The following FANCA variants were observed in gnomAD, a reference collection of about 807,000 sequenced individuals.
FANCA encodes FA complementation group A, also known as Fanconi anemia group A protein.
FANCA carries 236 observed loss-of-function variants against 194.3 expected under a neutral mutation model. The ratio of observed to expected loss-of-function variants is 1.21; its 90% CI spans 1.09 to 1.35. The LOEUF is 1.35. Among genes scored for constraint, FANCA ranks in the 40% most tolerant of loss-of-function variants. The pLI, the probability that FANCA is intolerant of heterozygous loss-of-function variation, is 0.00. For missense variants in FANCA, 2,628 were observed against 1,813.9 expected, an observed-to-expected ratio of 1.45 and a Z score of -8.15; for synonymous variants, 1,014 against 715.8, an observed-to-expected ratio of 1.42 and a Z score of -6.65.
intron 12 of FANCA, among the ~76,000 whole-genome samples, 178 bp downstream of exon 12, chr16:89,792,292 CA>C (rs1231381619): frequency 6.6e-6 from 1 of 152,180 alleles, no homozygotes; most frequent in Non-Finnish European, 1.5e-5. Flanking sequence ...GGGCTCGGCC[CA>C]AGGGACAAGT....
chr16:89,787,121 C>T (rs913955368), intron 14 of FANCA, among the ~76,000 whole-genome samples: 3 of 152,208 alleles, frequency 2.0e-5, no homozygotes, highest in African/African-American at 7.2e-5. Context: ...GTTCTGTTTG[C>T]TATTTTTGAA....
In FANCA at chr16:89,810,997, T is replaced by C. The variant is rs2040858037; in HGVS notation, c.358A>G (p.Ser120Gly). The change falls in exon 4 of 43, where the codon AGC becomes GGC. Residue 120 changes from serine to glycine, a missense_variant. Physicochemically the swap from Ser to Gly is moderately conservative, Grantham distance 56. Transcript: ENST00000389301. ...GILSAGMVAS[S>G]VGQICTAPAE... The stretch of plus-strand genomic sequence containing the variant: ...GGAGCCGTGCAGATCTGTCCCACGC[T>C]AGAGGCAACCATCCCGGCTGAGAGA... The C allele has an allele frequency of 6.2e-7, 1 of 1,614,038 alleles. No homozygotes were observed. Among genetic ancestry groups the C allele is most frequent in the Non-Finnish European group, 8.5e-7 (1 of 1,180,026 alleles).
At chr16:89,750,891 T>TTTGTTG (rs140776520) in intron 31 of FANCA, among the ~76,000 whole-genome samples, 2 of 151,954 alleles carry the variant, frequency 1.3e-5, no homozygotes, top group East Asian at 3.9e-4. Flanking sequence ...TCACAAGTCT[T>TTTGTTG]TTGTTGTTGT....
At chr16:89,788,722 C>G (rs1448509804) in intron 14 of FANCA, among the ~76,000 whole-genome samples, 3 of 151,784 alleles carry the variant, frequency 2.0e-5, no homozygotes, top group Admixed American at 2.0e-4. Context: ...ACTGCTTGAC[C>G]CCAGGAGGTA....
intron 10 of FANCA, among the ~76,000 whole-genome samples, chr16:89,796,962 T>C (rs1370761030): frequency 6.6e-6 from 1 of 151,718 alleles, no homozygotes; most frequent in African/African-American, 2.4e-5. Context: ...CTCGAGACCA[T>C]CCCGGCCAAC....
intron 22 of FANCA, among the ~76,000 whole-genome samples, chr16:89,772,174 G>A (rs2039348860): frequency 6.6e-6 from 1 of 152,204 alleles, no homozygotes; most frequent in Non-Finnish European, 1.5e-5. Context: ...CCAGGGAAAT[G>A]GGCCACACAT....
chr16:89,738,560 A>C lies in FANCA; in HGVS notation c.*41T>G, dbSNP rs554525485. 1 of 1,612,206 alleles carries C rather than the reference A, an allele frequency of 6.2e-7. No homozygotes were observed. The stretch of plus-strand genomic sequence containing the variant: ...CTCCATGTTATGCTTGTAATAAATT[A>C]TTTACACGGGAGCTGGGCTGGTGTG... On this transcript the variant is annotated 3_prime_UTR_variant, in exon 43 of 43. Transcript: ENST00000389301.
At chr16:89,788,369 G>A (rs1233627619) in intron 14 of FANCA, among the ~76,000 whole-genome samples, 1 of 152,122 alleles carries the variant, frequency 6.6e-6, no homozygotes, top group South Asian at 2.1e-4. Flanking sequence ...GCTGAAACAG[G>A]AGAATCGCTT....
intron 35 of FANCA, among the ~76,000 whole-genome samples, chr16:89,746,122 G>T (rs1476239771): frequency 2.0e-5 from 3 of 152,208 alleles, no homozygotes; most frequent in East Asian, 1.9e-4. Context: ...GCTGCTAGGG[G>T]AGCCTGCTGA....
Position 89,783,066 on chromosome 16 carries a change from A to G in FANCA, c.1507T>C (p.Tyr503His). The G allele has an allele frequency of 6.2e-7, 1 of 1,613,964 alleles. No homozygotes were observed. The highest frequency in any genetic ancestry group is 1.1e-5 in the South Asian group (1 of 91,068). The change falls in exon 16 of 43, where the codon TAC becomes CAC. Residue 503 changes from tyrosine (Y) to histidine (H), a missense_variant. Tyr to His is a moderately conservative substitution (Grantham distance 83). Coordinates refer to ENST00000389301, the MANE Select transcript of FANCA (RefSeq NM_000135.4). The part of the protein sequence containing the change: ...ILHPPLVPGK[Y>H]RSLLTDYISL... ...ATGTAGTCTGTGAGGAGGGAGCGGT[A>G]CTTGCCGGGAACCAGGGGTGGGTGG...
intron 7 of FANCA, among the ~76,000 whole-genome samples, chr16:89,803,624 CT>C (rs34752953): frequency 2.4e-3 from 331 of 139,014 alleles, no homozygotes; most frequent in Admixed American, 4.4e-3. Context: ...AGATTTTTTT[CT>C]TTTTTTTTTT....
Position 89,749,855 on chromosome 16 carries a change from G to C in FANCA, c.3114C>G (p.Leu1038=). The change falls in exon 32 of 43, where the codon CTC becomes CTG. Residue 1038 remains leucine, a synonymous_variant. Transcript: ENST00000389301. ...AGTGCTCCTGGGAAGGGGTGTGGCC[G>C]AGAGGCACTATGAGGTCTTGCTGCA... ...LELQQDLIVP[L]GHTPSQEHFL... 6.2e-7 allele frequency: 1 copy of C among 1,614,190 alleles called. No individual in the cohort carries two copies.
chr16:89,759,111 G>A (rs17233350), intron 29 of FANCA, among the ~76,000 whole-genome samples: 1,941 of 151,696 alleles, frequency 0.013, 31 homozygotes, highest in South Asian at 0.064. Flanking sequence ...ACGAGGTTAG[G>A]AGATCGAGAC....
Position 89,778,829 on chromosome 16 carries a change from G to A in FANCA, c.1798C>T (p.Arg600Cys), listed in dbSNP as rs765036744. The A allele has an allele frequency of 6.2e-6, 10 of 1,613,924 alleles. No homozygotes were observed. In the East Asian group the frequency reaches 6.7e-5, roughly 11 times the overall value. The change falls in exon 20 of 43, where the codon CGT becomes TGT. Residue 600 changes from arginine to cysteine, a missense_variant. Physicochemically the swap from Arg to Cys is radical, Grantham distance 180. Transcript: ENST00000389301. ...TTCAGAGACTCTATAAACGCCACAC[G>A]GGAGTCAGGGACTTTGGGGAGCTGT... ...PRVLPKVPDS[R>C]VAFIESLKRA...
intron 20 of FANCA, 143 bp from the exon 21 acceptor site, chr16:89,775,958 CAAAAA>C: frequency 2.4e-6 from 1 of 410,296 alleles, no homozygotes; most frequent in South Asian, 3.8e-5. Context: ...CCTGTTTTTA[CAAAAA>C]AATATTAAAA....
chr16:89,795,819 G>A, intron 11 of FANCA, 87 bp downstream of exon 11: 1 of 931,776 alleles, frequency 1.1e-6, no homozygotes, highest in Non-Finnish European at 1.8e-6. Context: ...AGAATTCCTG[G>A]CATCTCCAGT....
chr16:89,737,920 G>C lies in FANCA; in HGVS notation c.*681C>G. ...AAGCCTTTGCAGTAAGTGTGAGTCAGGACCCCCTCCCAGGGCTGTGGCCCT... is the reference window on the plus strand; with the variant it reads ...AAGCCTTTGCAGTAAGTGTGAGTCACGACCCCCTCCCAGGGCTGTGGCCCT... On this transcript the variant is annotated 3_prime_UTR_variant, in exon 43 of 43. Transcript: ENST00000389301. 3 of 1,564,638 alleles carry C rather than the reference G, an allele frequency of 1.9e-6. No homozygotes were observed. Among genetic ancestry groups the C allele is most frequent in the South Asian group, 1.1e-5 (1 of 89,054 alleles).
At chr16:89,789,533 T>A (rs1440214332) in intron 14 of FANCA, among the ~76,000 whole-genome samples, 1 of 143,542 alleles carries the variant, frequency 7.0e-6, no homozygotes, top group African/African-American at 2.6e-5. Context: ...CTCAACCTCC[T>A]CGGCTTAAGT....
chr16:89,800,652 G>A (rs374307022), intron 8 of FANCA, among the ~76,000 whole-genome samples: 3 of 152,164 alleles, frequency 2.0e-5, no homozygotes, highest in East Asian at 1.9e-4. Flanking sequence ...ACTGCCTGAG[G>A]TCAAAATATA....
Sources: gnomAD v4.1 joint callset for allele counts (sites outside exome capture counted in the v4.1 genomes callset) on GRCh38, gnomAD v4.1.1 for gene constraint, MANE v1.5 for transcripts, NCBI Gene and HGNC (gene_info 2026-07-23, HGNC 2026-07-21) for gene names.